MGAT4C: variants seen among roughly 807,000 people sequenced by gnomAD.
The protein encoded by MGAT4C is MGAT4 family member C.
Under a neutral mutation model 40.1 loss-of-function variants are expected in MGAT4C, and 19 were observed. The observed-to-expected ratio is 0.47, with a 90% CI of 0.33 to 0.70. MGAT4C has a LOEUF of 0.70. Among genes scored for constraint, MGAT4C ranks in the 30% least tolerant of loss-of-function variants. The probability of loss-of-function intolerance (pLI) is 0.02; values close to 1 mark genes in which losing one functional copy is unlikely to be tolerated. For synonymous variants in MGAT4C, 181 were observed against 187.1 expected (o/e 0.97, Z 0.27); for missense variants, 491 against 563.2 (o/e 0.87, Z 1.30).
At chr12:86,582,850 C>G (rs1426324290) in intron 2 of MGAT4C, among the ~76,000 whole-genome samples, 1 of 151,118 alleles carries the variant, frequency 6.6e-6, no homozygotes, top group African/African-American at 2.4e-5. Context: ...TGAATCTAAC[C>G]CTGTCAACAT....
At chr12:86,832,092 T>C (rs912540868) in intron 1 of MGAT4C, among the ~76,000 whole-genome samples, 6 of 151,756 alleles carry the variant, frequency 4.0e-5, no homozygotes, top group Non-Finnish European at 7.4e-5. Flanking sequence ...CAAAAAATAC[T>C]GTAGGCACAT....
At chr12:86,579,639 A>G (rs879713565) in intron 2 of MGAT4C, among the ~76,000 whole-genome samples, 3 of 151,542 alleles carry the variant, frequency 2.0e-5, no homozygotes, top group Non-Finnish European at 4.4e-5. Context: ...ACTTACTATT[A>G]GCTGTGAGTC....
intron 2 of MGAT4C, among the ~76,000 whole-genome samples, chr12:86,589,322 T>G (rs1419008303): frequency 6.6e-6 from 1 of 151,566 alleles, no homozygotes; most frequent in South Asian, 2.1e-4. Flanking sequence ...ATAAATTCCT[T>G]GACACATACA....
chr12:86,477,349 G>A (rs1247719977), intron 2 of MGAT4C, among the ~76,000 whole-genome samples: 1 of 151,820 alleles, frequency 6.6e-6, no homozygotes, highest in Admixed American at 6.6e-5. Context: ...CTTATAAGTG[G>A]GAGCTAAATA....
chr12:86,386,786 A>G (rs1956059883), intron 3 of MGAT4C, among the ~76,000 whole-genome samples: 1 of 152,214 alleles, frequency 6.6e-6, no homozygotes, highest in African/African-American at 2.4e-5. Context: ...AATATTACTG[A>G]AAGTTGAATT....
chr12:86,461,236 C>CTTTTTTT (rs1182920834), intron 2 of MGAT4C, among the ~76,000 whole-genome samples: 2 of 132,672 alleles, frequency 1.5e-5, no homozygotes, highest in Non-Finnish European at 3.3e-5. Context: ...TACACATCTT[C>CTTTTTTT]TTTTTTTTTT....
intron 2 of MGAT4C, among the ~76,000 whole-genome samples, chr12:86,670,757 T>C (rs1964236008): frequency 6.6e-6 from 1 of 152,160 alleles, no homozygotes; most frequent in Non-Finnish European, 1.5e-5. Context: ...CCAAGGCATA[T>C]GGTCACCAGA....
rs1379052284 is a variant in MGAT4C at position 86,774,371 on chromosome 12, T to C, written c.-261-47130A>G. Among the ~76,000 whole-genome samples, 17 of 111,842 alleles carry C rather than the reference T, an allele frequency of 1.5e-4. 1 individual carries two copies. Among genetic ancestry groups the C allele is most frequent in the African/African-American group, 5.2e-4 (17 of 32,448 alleles). The allele number at this position is 111,842 out of a possible 152,430, so 73.4% of individuals were successfully genotyped here. On this transcript the variant is annotated intron_variant, in intron 1 of 7. Coordinates refer to the MGAT4C transcript ENST00000548651. ...TCTCTCTCCCCTCTCTCTCTCTCTC[T>C]TTCTGTCTGTCTCTCTCTCTCTCTC...
At chr12:86,660,477 G>A (rs1037361689) in intron 2 of MGAT4C, among the ~76,000 whole-genome samples, 2 of 152,128 alleles carry the variant, frequency 1.3e-5, no homozygotes, top group African/African-American at 4.8e-5. Context: ...ATATGGAAGT[G>A]TCCTCTGGGT....
At position 85,965,596 on chromosome 12, in the gene MGAT4C, CAAAAAAAAAAAAAA is replaced by C. The variant is rs770451333; in HGVS notation, c.*13679_*13692del. 1.8e-5 allele frequency: 1 copy of C among 57,124 alleles called. No individual in the cohort carries two copies. Among genetic ancestry groups the C allele is most frequent in the East Asian group, 6.9e-4 (1 of 1,440 alleles). The allele number at this position is 57,124 out of a possible 1,614,324, so 3.5% of individuals were successfully genotyped here. A position where few individuals can be genotyped will look rare whatever the true frequency, so the allele number is the denominator to read the frequency against. On this transcript the variant is annotated 3_prime_UTR_variant, in exon 5 of 5. Transcript: ENST00000611864. ...TGGGCAAAAGAGTGAGACTCTGTCT[CAAAAAAAAAAAAAA>C]AAAAAAAAAAGGACACTCTGAACAA...
intron 2 of MGAT4C, among the ~76,000 whole-genome samples, chr12:86,658,249 A>T (rs550032417): frequency 3.4e-4 from 51 of 152,230 alleles, no homozygotes; most frequent in South Asian, 6.2e-4. Flanking sequence ...TATTTTATAA[A>T]GCAATCAATT....
chr12:86,443,837 G>A (rs888685749), intron 2 of MGAT4C, among the ~76,000 whole-genome samples: 2 of 152,030 alleles, frequency 1.3e-5, no homozygotes, highest in African/African-American at 2.4e-5. Context: ...CTCGTGATGC[G>A]CCCGCCTCGG....
chr12:86,754,001 G>T (rs2136144249), intron 1 of MGAT4C, among the ~76,000 whole-genome samples: 1 of 152,106 alleles, frequency 6.6e-6, no homozygotes, highest in Admixed American at 6.6e-5. Context: ...TTTACCTGAG[G>T]GCACTGAAAG....
At chr12:86,355,944 T>C (rs1955299552) in intron 3 of MGAT4C, among the ~76,000 whole-genome samples, 1 of 152,162 alleles carries the variant, frequency 6.6e-6, no homozygotes, top group African/African-American at 2.4e-5. Context: ...GTTTTCAAAG[T>C]ATGTAGATGA....
chr12:86,771,712 GTGT>G lies in MGAT4C; in HGVS notation c.-261-44474_-261-44472del, dbSNP rs1565979526. Among the ~76,000 whole-genome samples the G allele has an allele frequency of 3.5e-5, 5 of 141,734 alleles. No individual in the cohort carries two copies. The East Asian group carries it at 7.9e-4, about 22-fold the overall frequency. The allele number at this position is 141,734 out of a possible 152,430, so 93.0% of individuals were successfully genotyped here. On this transcript the variant is annotated intron_variant, in intron 1 of 7. Transcript: ENST00000548651. ...TGTGTGTGTGTGTGTGTGTGTGTGT[GTGT>G]GTGTGTGTATGTGTGTGTGTATGAA...
At position 85,989,387 on chromosome 12, in the gene MGAT4C, C is replaced by T. The variant is rs1193316416; in HGVS notation, c.147+13G>A. ...TTATTTTGAAGAAAAGACAATCAAC[C>T]TCCCAAACTTACCAGAACATAGCTA... On this transcript the variant is annotated intron_variant, in intron 3 of 4. Transcript: ENST00000611864. The T allele has an allele frequency of 6.4e-7, 1 of 1,558,784 alleles. No homozygotes were observed. The highest frequency in any genetic ancestry group is 8.7e-7 in the Non-Finnish European group (1 of 1,154,396).
intron 4 of MGAT4C, among the ~76,000 whole-genome samples, chr12:86,331,469 T>C (rs1490802559): frequency 2.6e-5 from 4 of 152,162 alleles, no homozygotes; most frequent in African/African-American, 9.6e-5. Flanking sequence ...GAAGGTCATA[T>C]ACCAGTTAAA....
At chr12:86,601,453 G>A (rs1016783762) in intron 2 of MGAT4C, 12 of 152,396 alleles carry the variant, frequency 7.9e-5, no homozygotes, top group African/African-American at 2.7e-4. Context: ...TTGCACTCAA[G>A]CCCCTGGGGA....
intron 1 of MGAT4C, among the ~76,000 whole-genome samples, chr12:86,201,566 T>C (rs1398856370): frequency 2.7e-5 from 4 of 150,654 alleles, no homozygotes; most frequent in Non-Finnish European, 4.4e-5. Context: ...AATACATAAA[T>C]ATATAATTCT....
Sources: gnomAD v4.1 joint callset for allele counts (sites outside exome capture counted in the v4.1 genomes callset) on GRCh38, gnomAD v4.1.1 for gene constraint, MANE v1.5 for transcripts, NCBI Gene and HGNC (gene_info 2026-07-23, HGNC 2026-07-21) for gene names.